Variants in CDK14 observed in about 807,000 individuals in gnomAD.
The protein encoded by CDK14 is cyclin-dependent kinase 14.
Under a neutral mutation model 60.7 loss-of-function variants are expected in CDK14, and 34 were observed. That is an observed-to-expected ratio of 0.56 (90% CI 0.43 to 0.75). The LOEUF (loss-of-function observed/expected upper bound fraction) is 0.75, where lower values mean the gene tolerates loss of function less well. Ranked by LOEUF, CDK14 falls within the 30% of genes least tolerant of loss-of-function variation. The probability of loss-of-function intolerance (pLI) is 0.00; values close to 1 mark genes in which losing one functional copy is unlikely to be tolerated. For missense variants in CDK14, 482 were observed against 564.1 expected (o/e 0.85, Z 1.47); for synonymous variants, 197 against 203.7 (o/e 0.97, Z 0.28).
chr7:91,006,537 C>T (rs965463428), intron 10 of CDK14, among the ~76,000 whole-genome samples: 1 of 152,150 alleles, frequency 6.6e-6, no homozygotes, highest in Non-Finnish European at 1.5e-5. Flanking sequence ...ATATCAATAT[C>T]CTGTTCCACT....
chr7:90,930,116 G>A (rs1793542792), intron 8 of CDK14, among the ~76,000 whole-genome samples: 1 of 151,674 alleles, frequency 6.6e-6, no homozygotes, highest in African/African-American at 2.4e-5. Context: ...CATTTTGGTA[G>A]TGTTTTTTTT....
intron 12 of CDK14, among the ~76,000 whole-genome samples, chr7:91,091,976 T>A (rs1798846227): frequency 6.6e-6 from 1 of 152,096 alleles, no homozygotes. Context: ...AAAACCTGCA[T>A]GTACCTGGAA....
At position 90,613,548 on chromosome 7, in the gene CDK14, G is replaced by A. The variant is rs546412734; in HGVS notation, c.123+9299G>A. Among the ~76,000 whole-genome samples the A allele has an allele frequency of 4.7e-4, 71 of 151,892 alleles. 1 individual carries two copies. The South Asian group carries it at 0.014, about 30-fold the overall frequency. On this transcript the variant is annotated intron_variant, in intron 2 of 14. Coordinates refer to ENST00000380050, the MANE Select transcript of CDK14 (RefSeq NM_001287135.2). ...CTAAAAATACAAAAATTAGCCAGGC[G>A]TGGTGGCAGGTGCCCGTAATCCCAG...
At chr7:90,903,266 T>C (rs1330768839) in intron 7 of CDK14, among the ~76,000 whole-genome samples, 1 of 152,178 alleles carries the variant, frequency 6.6e-6, no homozygotes, top group Non-Finnish European at 1.5e-5. Context: ...TGCACCACCA[T>C]GTTCATTGAA....
chr7:90,687,766 A>G (rs1801468171), intron 2 of CDK14, among the ~76,000 whole-genome samples: 1 of 152,172 alleles, frequency 6.6e-6, no homozygotes, highest in African/African-American at 2.4e-5. Context: ...CTGTTTACAT[A>G]TTTTGAAAGA....
chr7:90,886,813 GA>G (rs991533959), intron 6 of CDK14, among the ~76,000 whole-genome samples: 6 of 151,736 alleles, frequency 4.0e-5, no homozygotes, highest in Non-Finnish European at 2.9e-5. Flanking sequence ...TCCAATGATT[GA>G]AAAAAAAGTT....
At chr7:90,736,371 T>A (rs1321919439) in intron 3 of CDK14, among the ~76,000 whole-genome samples, 1 of 138,968 alleles carries the variant, frequency 7.2e-6, no homozygotes, top group Non-Finnish European at 1.5e-5. Context: ...TTTTTTTTTT[T>A]TTTGGTAGAA....
chr7:91,128,529 A>G (rs974335349), intron 14 of CDK14, among the ~76,000 whole-genome samples: 1 of 152,184 alleles, frequency 6.6e-6, no homozygotes, highest in Non-Finnish European at 1.5e-5. Context: ...TTTCACAGAA[A>G]CCCAATTTGT....
At chr7:90,934,514 T>C (rs1457786565) in intron 8 of CDK14, among the ~76,000 whole-genome samples, 1 of 152,184 alleles carries the variant, frequency 6.6e-6, no homozygotes, top group Non-Finnish European at 1.5e-5. Flanking sequence ...GCAGGCTCCT[T>C]TTGCAGTGAA....
In CDK14 at chr7:91,207,202, A is replaced by G. The variant is rs776713348; in HGVS notation, c.*66A>G. 1 of 152,128 alleles carries G rather than the reference A, an allele frequency of 6.6e-6. No homozygotes were observed. The highest frequency in any genetic ancestry group is 1.5e-5 in the Non-Finnish European group (1 of 68,030). The allele number at this position is 152,128 out of a possible 1,614,324, so 9.4% of individuals were successfully genotyped here. The stretch of plus-strand genomic sequence containing the variant: ...ATCATTCTGGGAAGAAAAAAAAAAC[A>G]TTAATGAAGAGGCCAATAATATGAA... On this transcript the variant is annotated 3_prime_UTR_variant, in exon 15 of 15. Coordinates refer to ENST00000380050, the MANE Select transcript of CDK14 (RefSeq NM_001287135.2).
At chr7:91,040,805 A>G (rs1797067354) in intron 10 of CDK14, among the ~76,000 whole-genome samples, 1 of 152,230 alleles carries the variant, frequency 6.6e-6, no homozygotes, top group Non-Finnish European at 1.5e-5. Context: ...GGAAAAGCCC[A>G]TGGACTCCTG....
chr7:91,064,778 A>C (rs1797924981), intron 11 of CDK14, among the ~76,000 whole-genome samples: 1 of 151,994 alleles, frequency 6.6e-6, no homozygotes. Context: ...TGGATGGGGG[A>C]TTTGGAAGGG....
At chr7:90,652,910 T>TG (rs1160213211) in intron 2 of CDK14, among the ~76,000 whole-genome samples, 4 of 152,192 alleles carry the variant, frequency 2.6e-5, no homozygotes, top group African/African-American at 9.6e-5. Flanking sequence ...GCTGTGTCTT[T>TG]GCTTGTTTGC....
rs1240671921 is a variant in CDK14 at position 91,209,887 on chromosome 7, A to G, written c.*2751A>G. 2 of 152,598 alleles carry G rather than the reference A, an allele frequency of 1.3e-5. No homozygotes were observed. The highest frequency in any genetic ancestry group is 4.8e-5 in the African/African-American group (2 of 41,442). 9.5% of individuals were successfully genotyped at this position (152,598 alleles called of 1,614,324 possible). A position where few individuals can be genotyped will look rare whatever the true frequency, so the allele number is the denominator to read the frequency against. On this transcript the variant is annotated 3_prime_UTR_variant, in exon 15 of 15. Transcript: ENST00000380050. Reference sequence around the variant, plus strand: ...TTCTACCTCGCAAGAGTGACTAGAAAGTTTCTAGGAGCACCTCCAGGCTTG... The same window carrying G: ...TTCTACCTCGCAAGAGTGACTAGAAGGTTTCTAGGAGCACCTCCAGGCTTG...
intron 14 of CDK14, among the ~76,000 whole-genome samples, chr7:91,158,067 TTATA>T (rs1801038162): frequency 1.5e-5 from 1 of 65,268 alleles, no homozygotes; most frequent in African/African-American, 3.5e-5. Flanking sequence ...ATATATTATA[TTATA>T]TACATTAATT....
At chr7:91,141,315 T>G (rs565462774) in intron 14 of CDK14, among the ~76,000 whole-genome samples, 2 of 152,196 alleles carry the variant, frequency 1.3e-5, no homozygotes, top group Non-Finnish European at 2.9e-5. Context: ...CTTTCTCAGA[T>G]GAACTAATTG....
intron 6 of CDK14, among the ~76,000 whole-genome samples, chr7:90,883,122 T>A (rs1201504844): frequency 2.0e-5 from 3 of 146,846 alleles, no homozygotes; most frequent in Non-Finnish European, 1.5e-5. Flanking sequence ...TAGAGACACA[T>A]AAAAAAAAAA....
At chr7:90,643,708 A>G (rs983859878) in intron 2 of CDK14, among the ~76,000 whole-genome samples, 2 of 152,154 alleles carry the variant, frequency 1.3e-5, no homozygotes, top group African/African-American at 2.4e-5. Context: ...GCTTCTCTTT[A>G]TTTACTGTCT....
chr7:90,777,940 C>G (rs1805118807), intron 4 of CDK14, among the ~76,000 whole-genome samples: 1 of 152,238 alleles, frequency 6.6e-6, no homozygotes, highest in African/African-American at 2.4e-5. Flanking sequence ...TTTCCTCCAT[C>G]CTTTAGGCTC....
Sources: allele counts gnomAD v4.1 joint callset (sites outside exome capture counted in the v4.1 genomes callset), GRCh38; gene constraint gnomAD v4.1.1; transcripts MANE v1.5; gene names NCBI Gene and HGNC (gene_info 2026-07-23, HGNC 2026-07-21).